Variants in NFKB1 observed in about 807,000 individuals in gnomAD.
NFKB1 encodes nuclear factor kappa B subunit 1, also known as nuclear factor NF-kappa-B p105 subunit.
In NFKB1, 9 loss-of-function variants were observed where a neutral mutation model predicts 105.1. The ratio of observed to expected loss-of-function variants is 0.09; its 90% confidence interval spans 0.05 to 0.15. The LOEUF (loss-of-function observed/expected upper bound fraction) is 0.15. Ranked by LOEUF, NFKB1 falls within the 10% of genes least tolerant of loss-of-function variation. NFKB1 has a pLI of 1.00. For synonymous variants in NFKB1, 440 were observed against 442.2 expected (o/e 1.00, Z 0.06); for missense variants, 830 against 1,203.7 (o/e 0.69, Z 4.59).
At chr4:102,516,396 T>C (rs983592755) in intron 1 of NFKB1, among the ~76,000 whole-genome samples, 1 of 152,176 alleles carries the variant, frequency 6.6e-6, no homozygotes, top group Admixed American at 6.5e-5. Flanking sequence ...TACGTAAGAC[T>C]GCTTAATATT....
In NFKB1 at chr4:102,616,585, C is replaced by T. The variant is rs1225101628; in HGVS notation, c.2901C>T (p.Gly967=). 2 of 1,613,684 alleles carry T rather than the reference C, an allele frequency of 1.2e-6. No homozygotes were observed. Among genetic ancestry groups the T allele is most frequent in the Non-Finnish European group, 1.7e-6 (2 of 1,179,892 alleles). The change falls in exon 24 of 24, where the codon GGC becomes GGT. Residue 967 remains glycine, a synonymous_variant. Coordinates refer to ENST00000226574, the MANE Select transcript of NFKB1 (RefSeq NM_003998.4). ...HDYGQEGPLE[G]KI ...ATGGGCAGGAAGGACCTCTAGAAGG[C>T]AAAATTTAGCCTGCTGACAATTTCC...
chr4:102,570,202 A>G (rs1353043393), intron 6 of NFKB1, among the ~76,000 whole-genome samples: 3 of 152,130 alleles, frequency 2.0e-5, no homozygotes, highest in African/African-American at 7.2e-5. Flanking sequence ...AGATATATAA[A>G]TATCAAAATA....
At chr4:102,574,682 A>G (rs1724668330) in intron 6 of NFKB1, among the ~76,000 whole-genome samples, 1 of 152,048 alleles carries the variant, frequency 6.6e-6, no homozygotes, top group East Asian at 1.9e-4. Context: ...CCTTTTCTTA[A>G]AGATTACTGT....
chr4:102,567,219 A>G (rs1723952991), intron 6 of NFKB1, 84 bp downstream of exon 6: 12 of 1,424,178 alleles, frequency 8.4e-6, no homozygotes, highest in Non-Finnish European at 1.2e-5. Flanking sequence ...GGCCCCTTTC[A>G]TTAGGGACCT....
At chr4:102,521,515 T>C (rs781782738) in intron 1 of NFKB1, among the ~76,000 whole-genome samples, 18 of 152,242 alleles carry the variant, frequency 1.2e-4, no homozygotes, top group East Asian at 5.8e-4. Context: ...ATTTTATTTT[T>C]TCAAACTGAA....
chr4:102,536,579 A>G (rs1160522161), intron 4 of NFKB1, among the ~76,000 whole-genome samples: 1 of 152,220 alleles, frequency 6.6e-6, no homozygotes, highest in Non-Finnish European at 1.5e-5. Context: ...CCTACTTGGC[A>G]TAATGAAATG....
chr4:102,576,299 A>G (rs920803979), intron 6 of NFKB1, among the ~76,000 whole-genome samples: 3 of 152,234 alleles, frequency 2.0e-5, no homozygotes, highest in African/African-American at 7.2e-5. Flanking sequence ...ACAATTCAAA[A>G]GGAAAATAAT....
At chr4:102,560,128 G>A (rs1028925477) in intron 5 of NFKB1, among the ~76,000 whole-genome samples, 3 of 152,078 alleles carry the variant, frequency 2.0e-5, no homozygotes, top group Admixed American at 1.3e-4. Flanking sequence ...ATTTTGCAGT[G>A]ATGAATGATT....
At chr4:102,552,357 C>A (rs979305350) in intron 5 of NFKB1, among the ~76,000 whole-genome samples, 2 of 151,982 alleles carry the variant, frequency 1.3e-5, no homozygotes, top group Non-Finnish European at 2.9e-5. Context: ...AAATAAGGAG[C>A]GGTGAATGGA....
chr4:102,600,565 A>G (rs893147748), intron 15 of NFKB1, among the ~76,000 whole-genome samples: 1 of 152,224 alleles, frequency 6.6e-6, no homozygotes, highest in Admixed American at 6.5e-5. Flanking sequence ...GCCATGGTAT[A>G]GAGGCAGGAT....
intron 2 of NFKB1, among the ~76,000 whole-genome samples, chr4:102,526,032 TG>T (rs1740888591): frequency 6.6e-6 from 1 of 152,154 alleles, no homozygotes; most frequent in Admixed American, 6.5e-5. Context: ...CTTCCTCCAT[TG>T]TCACGTGCGC....
At chr4:102,563,845 G>A (rs965894235) in intron 5 of NFKB1, among the ~76,000 whole-genome samples, 1 of 142,964 alleles carries the variant, frequency 7.0e-6, no homozygotes, top group African/African-American at 2.7e-5. Context: ...TTTTTAAACG[G>A]AGTCTTGCTC....
intron 4 of NFKB1, among the ~76,000 whole-genome samples, chr4:102,534,148 C>T (rs1284776917): frequency 1.3e-5 from 2 of 152,184 alleles, no homozygotes; most frequent in Non-Finnish European, 2.9e-5. Flanking sequence ...CAGTATTCTG[C>T]TGTCTCTACC....
rs368001088 is a variant in NFKB1 at position 102,533,904 on chromosome 4, G to A, written c.159+19G>A. 6.2e-7 allele frequency: 1 copy of A among 1,601,446 alleles called. No individual in the cohort carries two copies. The highest frequency in any genetic ancestry group is 1.7e-5 in the Admixed American group (1 of 59,492). ...TAAACAGGTAAGATTAAAGGGGTGGGACTTTAAATGTTAGATTCCAGTGTC... is the reference window on the plus strand; with the variant it reads ...TAAACAGGTAAGATTAAAGGGGTGGAACTTTAAATGTTAGATTCCAGTGTC... On this transcript the variant is annotated intron_variant, in intron 4 of 23. Transcript: ENST00000226574.
At position 102,605,285 on chromosome 4, in the gene NFKB1, CA is replaced by C. The variant is rs527805300; in HGVS notation, c.1753-1202del. On this transcript the variant is annotated intron_variant, in intron 16 of 23. Coordinates refer to ENST00000226574, the MANE Select transcript of NFKB1 (RefSeq NM_003998.4). ...GAAATAAGGGCAAGTAATAATTTGG[CA>C]AAAAAAAAGGGTCTTGTATAGTAAA... Among the ~76,000 whole-genome samples the C allele has an allele frequency of 2.8e-3, 417 of 149,630 alleles. 2 individuals carry two copies. The highest frequency in any genetic ancestry group is 9.2e-3 in the African/African-American group (375 of 40,740).
chr4:102,578,982 A>C lies in NFKB1; in HGVS notation c.673A>C (p.Thr225Pro). Residue 225 changes from threonine (T) to proline (P), a missense_variant, in exon 8 of 24, where the codon ACT (threonine) becomes CCT (proline). Around this residue, in one of 8 missense-constraint regions of NFKB1, gnomAD observed 80 missense variants for 122.6 expected, o/e 0.65. Coordinates refer to ENST00000226574, the MANE Select transcript of NFKB1 (RefSeq NM_003998.4). ...LMFTAFLPDSTGSFTRRLEPV... is the reference protein window; with the variant it reads ...LMFTAFLPDSPGSFTRRLEPV... ...GTTTACAGCTTTTCTTCCGGATAGC[A>C]CTGGCAGCTTCACAAGGCGCCTGGA... 1 of 1,614,122 alleles carries C rather than the reference A, an allele frequency of 6.2e-7. No individual in the cohort carries two copies. Among genetic ancestry groups the C allele is most frequent in the Non-Finnish European group, 8.5e-7 (1 of 1,180,004 alleles).
Position 102,607,283 on chromosome 4 carries a change from C to T in NFKB1, c.2088C>T (p.His696=), listed in dbSNP as rs374233606. 12 of 1,613,684 alleles carry T rather than the reference C, an allele frequency of 7.4e-6. No homozygotes were observed. The highest frequency in any genetic ancestry group is 1.7e-4 in the Middle Eastern group (1 of 6,060). The change falls in exon 18 of 24, where the codon CAC becomes CAT. Residue 696 remains histidine (H), a synonymous_variant. Transcript: ENST00000226574. ...CAGCACTGCACCTGGCTGTGGAGCA[C>T]GACAACATCTCATTGGCAGGCTGCC... is the stretch of plus-strand genomic sequence containing the variant. ...GRTALHLAVE[H]DNISLAGCLL...
Position 102,596,337 on chromosome 4 carries a change from G to A in NFKB1, c.1495+5G>A, listed in dbSNP as rs1295582476. 2 of 1,596,550 alleles carry A rather than the reference G, an allele frequency of 1.3e-6. No individual in the cohort carries two copies. Among genetic ancestry groups the A allele is most frequent in the Non-Finnish European group, 1.7e-6 (2 of 1,168,456 alleles). On this transcript the variant is annotated splice_donor_5th_base_variant and intron_variant, in intron 14 of 23. Coordinates refer to ENST00000226574, the MANE Select transcript of NFKB1 (RefSeq NM_003998.4). ...AAGAGAGTGCTGGAGTTCAGGGTAA[G>A]TGAGCACACAAATTACGTTCTGTTG...
intron 23 of NFKB1, among the ~76,000 whole-genome samples, chr4:102,613,903 A>G (rs917977215): frequency 3.3e-5 from 5 of 152,130 alleles, no homozygotes; most frequent in Non-Finnish European, 7.4e-5. Context: ...AGAGAGAACC[A>G]TCTCCTTCTT....
Sources: gnomAD v4.1 joint callset for allele counts (sites outside exome capture counted in the v4.1 genomes callset) on GRCh38, gnomAD v4.1.1 for gene constraint, gnomAD v4.1.1 regional missense constraint, MANE v1.5 for transcripts, NCBI Gene and HGNC (gene_info 2026-07-23, HGNC 2026-07-21) for gene names.